Variants in CRYBG3 observed in about 807,000 individuals in gnomAD.
The protein encoded by CRYBG3 is crystallin beta-gamma domain containing 3, also known as very large A-kinase anchor protein.
CRYBG3 carries 127 observed loss-of-function variants against 244.2 expected under a neutral mutation model. The ratio of observed to expected loss-of-function variants is 0.52; its 90% confidence interval spans 0.45 to 0.60. The LOEUF (loss-of-function observed/expected upper bound fraction) is 0.60, where lower values mean the gene tolerates loss of function less well. Among genes scored for constraint, CRYBG3 ranks in the 20% least tolerant of loss-of-function variants. The pLI is 0.00. For synonymous variants in CRYBG3, 1,132 were observed against 1,195.8 expected, an observed-to-expected ratio of 0.95 and a Z score of 1.10; for missense variants, 3,325 against 3,442.5, an observed-to-expected ratio of 0.97 and a Z score of 0.85.
chr3:97,857,918 T>G (rs1014642334), intron 2 of CRYBG3, among the ~76,000 whole-genome samples: 1 of 152,088 alleles, frequency 6.6e-6, no homozygotes, highest in African/African-American at 2.4e-5. Flanking sequence ...TTATCTTTGG[T>G]GGTTTTCTAT....
At position 97,848,522 on chromosome 3, in the gene CRYBG3, C is replaced by T. The variant is rs11923832; in HGVS notation, c.216+5261C>T. ...TTCACCGTGTTAGCCAGGATGGTCTCGATCTTCTGTCCTCGTGATCCGCCT... is the reference window on the plus strand; with the variant it reads ...TTCACCGTGTTAGCCAGGATGGTCTTGATCTTCTGTCCTCGTGATCCGCCT... On this transcript the variant is annotated intron_variant, in intron 2 of 21. Coordinates refer to ENST00000389622, the MANE Select transcript of CRYBG3 (RefSeq NM_153605.4). Among the ~76,000 whole-genome samples the T allele has an allele frequency of 6.5e-3, 982 of 152,184 alleles. 8 individuals carry two copies. The highest frequency in any genetic ancestry group is 0.022 in the African/African-American group (898 of 41,526).
chr3:97,880,731 A>T (rs1427072695), intron 6 of CRYBG3, among the ~76,000 whole-genome samples: 1 of 152,208 alleles, frequency 6.6e-6, no homozygotes, highest in Non-Finnish European at 1.5e-5. Flanking sequence ...TTAGAAGTAT[A>T]ATTTGGAATT....
intron 3 of CRYBG3, among the ~76,000 whole-genome samples, chr3:97,868,169 A>G (rs1034779577): frequency 3.3e-5 from 5 of 151,954 alleles, no homozygotes; most frequent in African/African-American, 1.2e-4. Context: ...CTGTAGTCCC[A>G]GCTACTCGGG....
intron 3 of CRYBG3, among the ~76,000 whole-genome samples, chr3:97,869,952 T>C (rs1469596848): frequency 6.6e-6 from 1 of 152,174 alleles, no homozygotes; most frequent in Non-Finnish European, 1.5e-5. Context: ...AAATCTAGAA[T>C]TCTTAATGTA....
intron 1 of CRYBG3, among the ~76,000 whole-genome samples, chr3:97,829,982 G>C (rs1341015230): frequency 6.6e-6 from 1 of 151,986 alleles, no homozygotes; most frequent in Non-Finnish European, 1.5e-5. Flanking sequence ...ATGTTTTTCT[G>C]TTCTTGGTTT....
At chr3:97,916,775 T>C (rs1441429883) in intron 17 of CRYBG3, among the ~76,000 whole-genome samples, 1 of 152,080 alleles carries the variant, frequency 6.6e-6, no homozygotes, top group Admixed American at 6.6e-5. Context: ...GAGTCTTGGC[T>C]GAGAACAAGA....
chr3:97,896,476 C>G (rs1575947143), intron 12 of CRYBG3, among the ~76,000 whole-genome samples: 1 of 152,060 alleles, frequency 6.6e-6, no homozygotes, highest in Non-Finnish European at 1.5e-5. Flanking sequence ...GGTCAGTTAT[C>G]CCCACTTGAA....
intron 2 of CRYBG3, among the ~76,000 whole-genome samples, chr3:97,861,263 G>A (rs746834230): frequency 2.6e-5 from 4 of 151,918 alleles, no homozygotes; most frequent in Non-Finnish European, 5.9e-5. Context: ...AACACTCTTC[G>A]AATTAAGCTC....
chr3:97,886,615 TA>T lies in CRYBG3; in HGVS notation c.7153-15del, dbSNP rs775867105. ...ACTCTAGTTGATTTCAAAGCCAAAT[TA>T]TTTTTTTTTTTCAGGACTGCAGCAT... On this transcript the variant is annotated splice_polypyrimidine_tract_variant and intron_variant, in intron 7 of 21. Transcript: ENST00000389622. 6.3e-6 allele frequency: 10 copies of T among 1,588,258 alleles called. No individual in the cohort carries two copies. In the South Asian group the frequency reaches 9.3e-5, roughly 15 times the overall value.
At chr3:97,930,956 C>T (rs2040091022) in intron 17 of CRYBG3, among the ~76,000 whole-genome samples, 1 of 152,010 alleles carries the variant, frequency 6.6e-6, no homozygotes, top group Non-Finnish European at 1.5e-5. Flanking sequence ...TGATCTTTTT[C>T]CTCATGAACT....
chr3:97,836,315 C>G (rs1340800728), intron 1 of CRYBG3, among the ~76,000 whole-genome samples: 1 of 151,990 alleles, frequency 6.6e-6, no homozygotes, highest in Admixed American at 6.6e-5. Context: ...AAAATTGCAG[C>G]TTTTAGTTAC....
At chr3:97,936,058 G>A (rs2040160329) in intron 18 of CRYBG3, among the ~76,000 whole-genome samples, 2 of 152,102 alleles carry the variant, frequency 1.3e-5, no homozygotes, top group Admixed American at 6.6e-5. Context: ...GACTTTTTCT[G>A]TAAAGGGCCA....
At chr3:97,939,460 T>G (rs2040201619) in intron 19 of CRYBG3, among the ~76,000 whole-genome samples, 1 of 152,014 alleles carries the variant, frequency 6.6e-6, no homozygotes, top group East Asian at 1.9e-4. Flanking sequence ...TAAAATGTGA[T>G]CCTCTTTGAG....
At chr3:97,829,312 C>A (rs2038622478) in intron 1 of CRYBG3, among the ~76,000 whole-genome samples, 2 of 152,146 alleles carry the variant, frequency 1.3e-5, no homozygotes, top group Admixed American at 1.3e-4. Flanking sequence ...TGAGACTTTT[C>A]TATATTATTA....
At position 97,874,571 on chromosome 3, in the gene CRYBG3, A is replaced by T. The variant is rs1208917379; in HGVS notation, c.3377A>T (p.Gln1126Leu). ...ATTGGGACAGAAGTAACCCCATTTC[A>T]GGAACATTTTGGGATTTATACTGGG... is the stretch of plus-strand genomic sequence containing the variant. ...VSIGTEVTPF[Q>L]EHFGIYTGKI... is the part of the protein sequence containing the mutation. Residue 1126 changes from glutamine to leucine, a missense_variant, in exon 4 of 22, where the codon CAG (glutamine) becomes CTG (leucine). Physicochemically the swap from Gln to Leu is moderately radical, Grantham distance 113 (BLOSUM62 -2). Coordinates refer to ENST00000389622, the MANE Select transcript of CRYBG3 (RefSeq NM_153605.4). The T allele has an allele frequency of 6.5e-7, 1 of 1,535,842 alleles. No individual in the cohort carries two copies. The highest frequency in any genetic ancestry group is 1.4e-5 in the African/African-American group (1 of 73,024).
At chr3:97,908,708 C>A (rs1188107848) in intron 15 of CRYBG3, among the ~76,000 whole-genome samples, 3 of 152,124 alleles carry the variant, frequency 2.0e-5, no homozygotes, top group Non-Finnish European at 4.4e-5. Flanking sequence ...TCCAATTTGC[C>A]AGTCTGTGTC....
At chr3:97,922,747 A>T (rs1328815860) in intron 17 of CRYBG3, among the ~76,000 whole-genome samples, 1 of 152,174 alleles carries the variant, frequency 6.6e-6, no homozygotes, top group Non-Finnish European at 1.5e-5. Flanking sequence ...GTGGGACTGT[A>T]AACTAGTTCA....
At chr3:97,845,192 G>C (rs2038882345) in intron 2 of CRYBG3, among the ~76,000 whole-genome samples, 1 of 152,130 alleles carries the variant, frequency 6.6e-6, no homozygotes, top group South Asian at 2.1e-4. Context: ...TTTCCCAGTT[G>C]ATCAGAACCA....
chr3:97,878,178 A>G (rs1390065586), intron 4 of CRYBG3, 141 bp downstream of exon 4: 17 of 684,892 alleles, frequency 2.5e-5, no homozygotes, highest in Non-Finnish European at 3.6e-5. Flanking sequence ...TGGGAGGCCG[A>G]GGCAGGTGGA....
Sources: gnomAD v4.1 joint callset for allele counts (sites outside exome capture counted in the v4.1 genomes callset) on GRCh38, gnomAD v4.1.1 for gene constraint, MANE v1.5 for transcripts, NCBI Gene and HGNC (gene_info 2026-07-23, HGNC 2026-07-21) for gene names.